Variants in VPS13C observed in about 807,000 individuals in gnomAD.
The protein encoded by VPS13C is intermembrane lipid transfer protein VPS13C.
VPS13C carries 358 observed loss-of-function variants against 456.8 expected under a neutral mutation model. That is an observed-to-expected ratio of 0.78 (90% CI 0.72 to 0.86). The LOEUF is 0.86. VPS13C is among the 40% of genes least tolerant of loss of function. VPS13C has a pLI of 0.00. For synonymous variants in VPS13C, 1,578 were observed against 1,486.7 expected (o/e 1.06, Z -1.41); for missense variants, 4,818 against 4,385.4 (o/e 1.10, Z -2.79).
chr15:61,997,727 C>A (rs2046438504), intron 16 of VPS13C, among the ~76,000 whole-genome samples: 2 of 152,240 alleles, frequency 1.3e-5, no homozygotes, highest in African/African-American at 4.8e-5. Flanking sequence ...CAAAGTATAT[C>A]TAGAATCTGA....
rs140763412 is a variant in VPS13C, at chr15:61,896,013, T to C, written c.9106-5613A>G. Among the ~76,000 whole-genome samples, 601 of 152,348 alleles carry C rather than the reference T, an allele frequency of 3.9e-3. 1 individual carries two copies. Among genetic ancestry groups the C allele is most frequent in the Non-Finnish European group, 6.7e-3 (455 of 68,026 alleles). On this transcript the variant is annotated intron_variant, in intron 66 of 84. Transcript: ENST00000644861. Reference sequence around the variant, plus strand: ...ATATTTGAGATATGAATATGTTAACTACCCTGATCTAATCAGTATATATTA... The same window carrying C: ...ATATTTGAGATATGAATATGTTAACCACCCTGATCTAATCAGTATATATTA...
Position 61,867,606 on chromosome 15 carries a change from A to C in VPS13C, c.10863+1053T>G, listed in dbSNP as rs16944670. The C allele has an allele frequency of 6.7e-4, 722 of 1,078,534 alleles. 2 individuals are homozygous for C. The African/African-American group carries it at 0.011, about 16-fold the overall frequency. The allele number at this position is 1,078,534 out of a possible 1,614,324, so 66.8% of individuals were successfully genotyped here. ...TACCTGAAATGCACATGAACACCAT[A>C]AGATAAAATTTTCGAAATGATAGTA... On this transcript the variant is annotated intron_variant, in intron 81 of 84. Transcript: ENST00000644861. This position sits in a 1 kb window ranked among gnomAD's most constrained non-coding sequence, Gnocchi z 5.0.
chr15:62,022,517 T>C (rs904528521), intron 8 of VPS13C, among the ~76,000 whole-genome samples: 1 of 151,964 alleles, frequency 6.6e-6, no homozygotes, highest in African/African-American at 2.4e-5. Context: ...GAGGTTTTTT[T>C]AAGACATTTA....
intron 66 of VPS13C, among the ~76,000 whole-genome samples, chr15:61,904,412 T>G (rs2043095290): frequency 6.8e-6 from 1 of 148,048 alleles, no homozygotes; most frequent in Admixed American, 6.8e-5. Flanking sequence ...TCAACATCAC[T>G]AAACACCAGG....
Position 61,863,439 on chromosome 15 carries a change from C to G in VPS13C, c.10952+1G>C. On this transcript the variant is annotated splice_donor_variant, in intron 82 of 84. Transcript: ENST00000644861. LOFTEE classifies it high-confidence loss of function. ...GGAAAAATGTCACTTCAAGTCAGTA[C>G]CTATTTGTAACCATAAGGATTGTCT... 1 of 1,608,652 alleles carries G rather than the reference C, an allele frequency of 6.2e-7. No homozygotes were observed. The highest frequency in any genetic ancestry group is 1.1e-5 in the South Asian group (1 of 90,448).
intron 20 of VPS13C, 36 bp from the exon 21 acceptor site, chr15:61,982,609 C>T: frequency 6.8e-7 from 1 of 1,465,418 alleles, no homozygotes; most frequent in South Asian, 1.2e-5. Flanking sequence ...CCAAGTTACA[C>T]ATGGTTCTTT....
At position 61,940,772 on chromosome 15, in the gene VPS13C, G is replaced by T; in HGVS notation, c.5476C>A (p.Pro1826Thr). 1 of 1,612,670 alleles carries T rather than the reference G, an allele frequency of 6.2e-7. No homozygotes were observed. The highest frequency in any genetic ancestry group is 2.2e-5 in the East Asian group (1 of 44,834). Residue 1826 changes from proline (P) to threonine (T), a missense_variant, in exon 47 of 85, where the codon CCA becomes ACA. Transcript: ENST00000644861. ...TTTAAAATTTCAATGTCATTTTGTGGCAAGCTAGCCTGCAAAATAGTTCTG... is the reference window on the plus strand; with the variant it reads ...TTTAAAATTTCAATGTCATTTTGTGTCAAGCTAGCCTGCAAAATAGTTCTG... ...LSRTILQASLPQNDIEILKPV... is the reference protein window; with the variant it reads ...LSRTILQASLTQNDIEILKPV...
intron 82 of VPS13C, among the ~76,000 whole-genome samples, chr15:61,861,719 G>T (rs1219440345): frequency 6.6e-6 from 1 of 152,158 alleles, no homozygotes; most frequent in Admixed American, 6.5e-5. Context: ...GAATTTGGAA[G>T]AAATGCTACT....
chr15:61,952,067 T>C (rs915998790), intron 38 of VPS13C, 87 bp from the exon 39 acceptor site: 6 of 1,447,150 alleles, frequency 4.1e-6, no homozygotes, highest in East Asian at 4.6e-5. Flanking sequence ...TCCAGAGTGA[T>C]ATAAGGAAGA....
At chr15:61,946,022 A>C in intron 44 of VPS13C, 140 bp from the exon 45 acceptor site, 2 of 822,906 alleles carry the variant, frequency 2.4e-6, no homozygotes, top group East Asian at 5.9e-5. Flanking sequence ...ATTAGCTAAA[A>C]ACATTTTACG....
chr15:61,999,622 T>C (rs1352627525), intron 16 of VPS13C, among the ~76,000 whole-genome samples: 2 of 152,162 alleles, frequency 1.3e-5, no homozygotes, highest in Non-Finnish European at 2.9e-5. Context: ...GTTTTATTTA[T>C]CTATATTTTC....
At position 61,856,349 on chromosome 15, in the gene VPS13C, A is replaced by G. The variant is rs138240568; in HGVS notation, c.11013T>C (p.Cys3671=). ...GAGGAAATACAAAATCTTCAAATGG[A>G]CATTGCCAGTCTACACACATAAGGC... ...ILGLMCVDWQ[C]PFEDFVFPPS... is the part of the protein sequence containing the mutation. The change falls in exon 83 of 85, where the codon TGT becomes TGC. Residue 3671 remains cysteine, a synonymous_variant. Transcript: ENST00000644861. The G allele has an allele frequency of 1.9e-6, 3 of 1,613,442 alleles. No homozygotes were observed. Among genetic ancestry groups the G allele is most frequent in the Non-Finnish European group, 2.5e-6 (3 of 1,179,620 alleles).
In VPS13C at chr15:61,869,489, T is replaced by C; in HGVS notation, c.10748+11A>G. On this transcript the variant is annotated intron_variant, in intron 80 of 84. Coordinates refer to ENST00000644861, the MANE Select transcript of VPS13C (RefSeq NM_020821.3). ...AGACACATACCTTGCACATAGTATG[T>C]ACTCAATTACCTCTGAATGCCTTGG... 2 of 1,614,004 alleles carry C rather than the reference T, an allele frequency of 1.2e-6. No homozygotes were observed. The highest frequency in any genetic ancestry group is 1.7e-6 in the Non-Finnish European group (2 of 1,179,930).
chr15:61,988,703 A>T (rs2046133518), intron 18 of VPS13C, among the ~76,000 whole-genome samples: 1 of 152,240 alleles, frequency 6.6e-6, no homozygotes, highest in South Asian at 2.1e-4. Flanking sequence ...TTACAAAGTT[A>T]CAGTAACTAA....
chr15:61,924,596 C>G (rs1046944175), intron 53 of VPS13C, among the ~76,000 whole-genome samples: 1 of 152,082 alleles, frequency 6.6e-6, no homozygotes, highest in Admixed American at 6.6e-5. Flanking sequence ...TATGCAAATT[C>G]GAGGAGTTTT....
At chr15:61,906,194 C>T (rs1382234761) in intron 66 of VPS13C, among the ~76,000 whole-genome samples, 1 of 152,270 alleles carries the variant, frequency 6.6e-6, no homozygotes, top group East Asian at 1.9e-4. Context: ...CCACTTGGGC[C>T]TAAGCAGAAC....
At chr15:61,887,603 A>G (rs1896363439) in intron 67 of VPS13C, among the ~76,000 whole-genome samples, 1 of 152,172 alleles carries the variant, frequency 6.6e-6, no homozygotes, top group African/African-American at 2.4e-5. Flanking sequence ...AGGTGGGAGG[A>G]TTGCTTGAGC....
In VPS13C at chr15:61,984,989, T is replaced by C. The variant is rs760052958; in HGVS notation, c.1589A>G (p.His530Arg). The C allele has an allele frequency of 3.8e-6, 6 of 1,574,736 alleles. No homozygotes were observed. The highest frequency in any genetic ancestry group is 1.9e-5 in the Admixed American group (1 of 51,868). The part of the protein sequence containing the change: ...NLTLPKQYVA[H>R]IMTLKLVSTS... Reference sequence around the variant, plus strand: ...GCTTACTAACTTCAGGGTCATAATATGGGCAACATACTATACAGAAAGAAT... The same window carrying C: ...GCTTACTAACTTCAGGGTCATAATACGGGCAACATACTATACAGAAAGAAT... The change falls in exon 19 of 85, where the codon CAT (histidine) becomes CGT (arginine). Residue 530 changes from histidine to arginine, a missense_variant. His to Arg is a conservative substitution (Grantham distance 29). Transcript: ENST00000644861.
chr15:62,019,921 C>T (rs1253519122), intron 9 of VPS13C, among the ~76,000 whole-genome samples: 1 of 150,424 alleles, frequency 6.6e-6, no homozygotes, highest in Non-Finnish European at 1.5e-5. Flanking sequence ...CACTTAGTTG[C>T]CTGTAATAGA....
Sources: allele counts gnomAD v4.1 joint callset (sites outside exome capture counted in the v4.1 genomes callset), GRCh38; gene constraint gnomAD v4.1.1; non-coding constraint Gnocchi (gnomAD v3.1); transcripts MANE v1.5; gene names NCBI Gene and HGNC (gene_info 2026-07-23, HGNC 2026-07-21).